The following GASK1B variants were observed in gnomAD, a reference collection of about 807,000 sequenced individuals.
The protein encoded by GASK1B is golgi associated kinase 1B, also known as Golgi-associated kinase 1B.
In GASK1B, 34 loss-of-function variants were observed where a neutral mutation model predicts 42.8. That is an observed-to-expected ratio of 0.79 (90% CI 0.60 to 1.06). GASK1B has a LOEUF of 1.06. Among genes scored for constraint, GASK1B ranks in the 50% least tolerant of loss-of-function variants. GASK1B has a pLI of 0.00. For synonymous variants in GASK1B, 262 were observed against 259.1 expected (o/e 1.01, Z -0.11); for missense variants, 686 against 661.0 (o/e 1.04, Z -0.42).
intron 3 of GASK1B, among the ~76,000 whole-genome samples, chr4:158,148,226 G>C (rs891037225): frequency 1.3e-5 from 2 of 151,830 alleles, no homozygotes; most frequent in Non-Finnish European, 2.9e-5. Context: ...TTTTAAAAAA[G>C]GGAAAGAAAA....
chr4:158,166,738 TC>T (rs1732244892), intron 2 of GASK1B, among the ~76,000 whole-genome samples: 1 of 152,140 alleles, frequency 6.6e-6, no homozygotes, highest in African/African-American at 2.4e-5. Context: ...AAAAGGAGGT[TC>T]CCATGGCTAT....
intron 1 of GASK1B, chr4:158,172,435 A>G (rs1348925589): frequency 6.6e-6 from 1 of 152,242 alleles, no homozygotes; most frequent in Non-Finnish European, 1.5e-5. Flanking sequence ...AACATATTTC[A>G]TGGTCAAGAG....
chr4:158,128,711 T>C (rs555708464), intron 4 of GASK1B, among the ~76,000 whole-genome samples: 2 of 152,280 alleles, frequency 1.3e-5, no homozygotes, highest in African/African-American at 4.8e-5. Flanking sequence ...AAGGATCAGG[T>C]GCTCCAGCAG....
chr4:158,154,453 A>T (rs1731681066), intron 3 of GASK1B, among the ~76,000 whole-genome samples: 1 of 152,092 alleles, frequency 6.6e-6, no homozygotes, highest in Non-Finnish European at 1.5e-5. Flanking sequence ...CAGTGTGAAG[A>T]TTCCTTAAAG....
chr4:158,132,922 TAAG>T (rs1490991521), intron 3 of GASK1B, among the ~76,000 whole-genome samples: 6 of 152,156 alleles, frequency 3.9e-5, no homozygotes, highest in Non-Finnish European at 5.9e-5. Flanking sequence ...GACATGAGAA[TAAG>T]AAGGTTTCCC....
rs1407323185 is a variant in GASK1B at position 158,155,502 on chromosome 4, G to A, written c.1125+109C>T. 1.3e-4 allele frequency: 122 copies of A among 958,690 alleles called. No homozygotes were observed. In the Admixed American group the frequency reaches 3.1e-3, roughly 25 times the overall value. The allele number at this position is 958,690 out of a possible 1,614,324, so 59.4% of individuals were successfully genotyped here. Reference sequence around the variant, plus strand: ...TTACTTTTGCACCAAGCTAATAGAAGTTATCACCAGCTTCATAAAAACTCC... The same window carrying A: ...TTACTTTTGCACCAAGCTAATAGAAATTATCACCAGCTTCATAAAAACTCC... On this transcript the variant is annotated intron_variant, in intron 3 of 4. Coordinates refer to ENST00000585682, the MANE Select transcript of GASK1B (RefSeq NM_001128424.2).
At chr4:158,156,589 G>T (rs1329607283) in intron 2 of GASK1B, among the ~76,000 whole-genome samples, 3 of 152,088 alleles carry the variant, frequency 2.0e-5, no homozygotes, top group Middle Eastern at 3.2e-3. Flanking sequence ...ACTTTACAAA[G>T]AATTATGAGC....
At chr4:158,127,643 T>C (rs1160990429) in intron 4 of GASK1B, 29 bp from the exon 5 acceptor site, 18 of 1,589,804 alleles carry the variant, frequency 1.1e-5, no homozygotes, top group Non-Finnish European at 1.5e-5. Context: ...ATTTCAATCT[T>C]AGTAATTGCT....
intron 3 of GASK1B, among the ~76,000 whole-genome samples, chr4:158,140,602 C>T (rs1244885919): frequency 6.6e-6 from 1 of 152,212 alleles, no homozygotes; most frequent in Non-Finnish European, 1.5e-5. Flanking sequence ...CTCAGAGGCT[C>T]AGTGCTTTGA....
At chr4:158,130,183 C>T (rs1197090165) in intron 4 of GASK1B, among the ~76,000 whole-genome samples, 1 of 152,192 alleles carries the variant, frequency 6.6e-6, no homozygotes, top group Non-Finnish European at 1.5e-5. Flanking sequence ...CATAAGCCCT[C>T]TCTTTCAGGT....
chr4:158,145,198 A>G (rs903083958), intron 3 of GASK1B, among the ~76,000 whole-genome samples: 3 of 152,190 alleles, frequency 2.0e-5, no homozygotes, highest in Non-Finnish European at 4.4e-5. Flanking sequence ...TCTTACTTTT[A>G]TCACACCATT....
intron 3 of GASK1B, among the ~76,000 whole-genome samples, chr4:158,133,950 A>G (rs962608070): frequency 6.6e-6 from 1 of 152,174 alleles, no homozygotes; most frequent in African/African-American, 2.4e-5. Context: ...ACACCTGCAG[A>G]TGTAAAATCA....
Position 158,126,433 on chromosome 4 carries a change from A to T in GASK1B, c.*974T>A, listed in dbSNP as rs942703238. ...TAAGCCAGATAATATATTGAAACAC[A>T]CTCAATATTTGAACCAATTCTCAAT... On this transcript the variant is annotated 3_prime_UTR_variant, in exon 5 of 5. Transcript: ENST00000585682. 1.3e-5 allele frequency: 2 copies of T among 152,260 alleles called. No individual in the cohort carries two copies. The highest frequency in any genetic ancestry group is 4.1e-4 in the South Asian group (2 of 4,824). 9.4% of individuals were successfully genotyped at this position (152,260 alleles called of 1,614,324 possible).
chr4:158,168,272 A>C (rs1732307203), intron 2 of GASK1B: 1 of 152,198 alleles, frequency 6.6e-6, no homozygotes, highest in Admixed American at 6.5e-5. Context: ...CTATATTGAG[A>C]TCATAAACCC....
chr4:158,149,579 T>A (rs1731465346), intron 3 of GASK1B, among the ~76,000 whole-genome samples: 1 of 30,884 alleles, frequency 3.2e-5, no homozygotes, highest in Admixed American at 5.6e-4. Context: ...GTTCAAAATT[T>A]ACTTTCCATT....
At chr4:158,149,970 T>G (rs972211997) in intron 3 of GASK1B, among the ~76,000 whole-genome samples, 4 of 130,824 alleles carry the variant, frequency 3.1e-5, no homozygotes, top group Non-Finnish European at 6.3e-5. Context: ...TGTCGCCCAG[T>G]TTGGAGTGCA....
intron 2 of GASK1B, among the ~76,000 whole-genome samples, chr4:158,164,262 G>A (rs1023907718): frequency 2.6e-5 from 4 of 152,196 alleles, no homozygotes; most frequent in African/African-American, 9.6e-5. Context: ...AAAGATAAAT[G>A]TGATCCTATA....
intron 3 of GASK1B, among the ~76,000 whole-genome samples, chr4:158,149,553 T>C (rs982062878): frequency 4.7e-5 from 7 of 148,272 alleles, no homozygotes; most frequent in Non-Finnish European, 8.9e-5. Flanking sequence ...TCCATTCTCA[T>C]AGACTTCACT....
intron 4 of GASK1B, among the ~76,000 whole-genome samples, chr4:158,127,920 C>T (rs950879677): frequency 5.9e-5 from 9 of 152,108 alleles, no homozygotes; most frequent in Admixed American, 2.0e-4. Context: ...GGCAGAAATA[C>T]TTTTCTTAGT....
Sources: gnomAD v4.1 joint callset for allele counts (sites outside exome capture counted in the v4.1 genomes callset) on GRCh38, gnomAD v4.1.1 for gene constraint, MANE v1.5 for transcripts, NCBI Gene and HGNC (gene_info 2026-07-23, HGNC 2026-07-21) for gene names.